Variants in STX18 observed in about 807,000 individuals in gnomAD.
STX18 encodes the protein syntaxin 18.
Under a neutral mutation model 50.1 loss-of-function variants are expected in STX18, and 40 were observed. The ratio of observed to expected loss-of-function variants is 0.80; its 90% CI spans 0.62 to 1.04. STX18 has a LOEUF of 1.04. Among genes scored for constraint, STX18 ranks in the 50% least tolerant of loss-of-function variants. The probability of loss-of-function intolerance (pLI) is 0.00; values close to 1 mark genes in which losing one functional copy is unlikely to be tolerated. For synonymous variants in STX18, 158 were observed against 151.8 expected (o/e 1.04, Z -0.30); for missense variants, 410 against 415.8 (o/e 0.99, Z 0.12).
rs191519119 is a variant in STX18, at chr4:4,490,053, C to T, written c.169-18347G>A. ...ATACAAAAAATTTTCATTCATATTGCAATGAATTTCACTCAAAATCACATA... is the reference window on the plus strand; with the variant it reads ...ATACAAAAAATTTTCATTCATATTGTAATGAATTTCACTCAAAATCACATA... On this transcript the variant is annotated intron_variant, in intron 1 of 10. Transcript: ENST00000306200. 1.6e-4 allele frequency among the ~76,000 whole-genome samples: 24 copies of T among 152,230 alleles called. 1 individual carries two copies. In the East Asian group the frequency reaches 4.4e-3, roughly 28 times the overall value.
intron 9 of STX18, among the ~76,000 whole-genome samples, chr4:4,421,310 T>G (rs2108767107): frequency 6.7e-6 from 1 of 150,114 alleles, no homozygotes; most frequent in Non-Finnish European, 1.5e-5. Context: ...AGCAACCAAG[T>G]GGCAGGACTG....
intron 2 of STX18, among the ~76,000 whole-genome samples, chr4:4,463,982 T>C (rs1727504070): frequency 1.3e-5 from 2 of 152,226 alleles, no homozygotes; most frequent in South Asian, 4.1e-4. Flanking sequence ...TTTTTCTCTA[T>C]TGGAGAATTT....
chr4:4,425,670 G>C (rs1213960248), intron 7 of STX18: 1 of 161,336 alleles, frequency 6.2e-6, no homozygotes, highest in Non-Finnish European at 1.4e-5. Context: ...GAGAGGAAGG[G>C]GAGGTGGGCA....
chr4:4,432,528 C>G lies in STX18; in HGVS notation c.702+2242G>C, dbSNP rs982425729. On this transcript the variant is annotated intron_variant, in intron 7 of 10. Transcript: ENST00000306200. ...AGAATTTTTCAAGCACCCCATGTGT[C>G]TGGCTCTTTGTTGCATGCACCTCAT... Among the ~76,000 whole-genome samples the G allele has an allele frequency of 2.0e-5, 3 of 152,350 alleles. No homozygotes were observed. The East Asian group carries it at 5.8e-4, about 29-fold the overall frequency.
At chr4:4,517,905 G>A (rs895202720) in intron 1 of STX18, among the ~76,000 whole-genome samples, 4 of 152,002 alleles carry the variant, frequency 2.6e-5, no homozygotes, top group African/African-American at 7.3e-5. Flanking sequence ...CTCCTGAGGA[G>A]CTGGGATTAC....
chr4:4,478,963 A>G (rs1728329142), intron 1 of STX18: 1 of 152,692 alleles, frequency 6.5e-6, no homozygotes, highest in South Asian at 2.1e-4. Flanking sequence ...TCTTTCAGGT[A>G]GTTCCACTGG....
At chr4:4,427,943 G>A (rs745445050) in intron 7 of STX18, among the ~76,000 whole-genome samples, 1 of 152,212 alleles carries the variant, frequency 6.6e-6, no homozygotes, top group African/African-American at 2.4e-5. Flanking sequence ...GTTTGCCAAC[G>A]GCCAGGAGTT....
At chr4:4,519,004 C>T (rs547448299) in intron 1 of STX18, among the ~76,000 whole-genome samples, 1 of 152,272 alleles carries the variant, frequency 6.6e-6, no homozygotes, top group Admixed American at 6.5e-5. Flanking sequence ...GTAAATGGCA[C>T]TCCAAGTGGG....
In STX18 at chr4:4,542,021, G is replaced by A. The variant is rs1731634063; in HGVS notation, c.-57C>T. 5 of 1,486,124 alleles carry A rather than the reference G, an allele frequency of 3.4e-6. No individual in the cohort carries two copies. The highest frequency in any genetic ancestry group is 1.8e-6 in the Non-Finnish European group (2 of 1,115,894). 92.1% of individuals were successfully genotyped at this position (1,486,124 alleles called of 1,614,324 possible). A position where few individuals can be genotyped will look rare whatever the true frequency, so the allele number is the denominator to read the frequency against. On this transcript the variant is annotated 5_prime_UTR_variant, in exon 1 of 11. Transcript: ENST00000306200. ...CCGCCCACGTAAGCAGCCGGCGACC[G>A]CGGCGCGAACCCGGCCGCTGAAGGA... is the stretch of plus-strand genomic sequence containing the variant.
chr4:4,448,200 T>C (rs766247317), intron 5 of STX18, among the ~76,000 whole-genome samples: 21 of 152,202 alleles, frequency 1.4e-4, no homozygotes, highest in African/African-American at 4.6e-4. Flanking sequence ...GTAAATCCCA[T>C]GGCAGTCTGG....
intron 1 of STX18, among the ~76,000 whole-genome samples, chr4:4,509,316 T>C (rs1729882736): frequency 6.6e-6 from 1 of 152,234 alleles, no homozygotes; most frequent in South Asian, 2.1e-4. Flanking sequence ...TGATCAGTGA[T>C]GCTGAGCTTT....
intron 5 of STX18, among the ~76,000 whole-genome samples, chr4:4,442,733 T>C (rs1437486823): frequency 6.7e-6 from 1 of 150,064 alleles, no homozygotes; most frequent in Admixed American, 6.7e-5. Context: ...AAGAGGTATA[T>C]GGGAACTCTT....
chr4:4,460,548 C>T (rs1727326304), intron 2 of STX18, among the ~76,000 whole-genome samples: 1 of 152,106 alleles, frequency 6.6e-6, no homozygotes, highest in Admixed American at 6.6e-5. Flanking sequence ...TCCCAATCAC[C>T]AGATAAGCAT....
intron 1 of STX18, among the ~76,000 whole-genome samples, chr4:4,491,663 AT>A (rs1728947617): frequency 6.6e-6 from 1 of 152,128 alleles, no homozygotes; most frequent in Non-Finnish European, 1.5e-5. Context: ...AAAAATAATC[AT>A]TAAAAACAGT....
At chr4:4,424,939 C>T (rs756757341) in intron 8 of STX18, among the ~76,000 whole-genome samples, 1 of 152,158 alleles carries the variant, frequency 6.6e-6, no homozygotes, top group Non-Finnish European at 1.5e-5. Context: ...CACCTGGGCC[C>T]CCCGCAGCAG....
chr4:4,513,385 C>T (rs1730096490), intron 1 of STX18, among the ~76,000 whole-genome samples: 1 of 152,138 alleles, frequency 6.6e-6, no homozygotes, highest in Admixed American at 6.5e-5. Context: ...AGCAGCACCA[C>T]TTTATCCAGC....
intron 1 of STX18, 58 bp downstream of exon 1, chr4:4,541,739 G>T: frequency 1.3e-6 from 2 of 1,549,632 alleles, no homozygotes; most frequent in Non-Finnish European, 1.7e-6. Context: ...GGGGCCCGGG[G>T]TCCCTGTCGC....
At chr4:4,477,727 G>C (rs924655746) in intron 1 of STX18, among the ~76,000 whole-genome samples, 38 of 152,278 alleles carry the variant, frequency 2.5e-4, no homozygotes, top group African/African-American at 8.7e-4. Flanking sequence ...CACAACTACA[G>C]TTTTCCAGTG....
chr4:4,502,725 G>C (rs1729513132), intron 1 of STX18, among the ~76,000 whole-genome samples: 1 of 152,202 alleles, frequency 6.6e-6, no homozygotes, highest in Admixed American at 6.5e-5. Context: ...AGGCTGAATT[G>C]CTAAGGTGTG....
Sources: gnomAD v4.1 joint callset for allele counts (sites outside exome capture counted in the v4.1 genomes callset) on GRCh38, gnomAD v4.1.1 for gene constraint, MANE v1.5 for transcripts, NCBI Gene and HGNC (gene_info 2026-07-23, HGNC 2026-07-21) for gene names.